The following PALLD variants were observed in gnomAD, a reference collection of about 807,000 sequenced individuals.
PALLD encodes palladin, cytoskeletal associated protein, also known as palladin.
Under a neutral mutation model 123.5 loss-of-function variants are expected in PALLD, and 61 were observed. The ratio of observed to expected loss-of-function variants is 0.49; its 90% CI spans 0.40 to 0.61. PALLD has a LOEUF of 0.61. Ranked by LOEUF, PALLD falls within the 20% of genes least tolerant of loss-of-function variation. The pLI, the probability that PALLD is intolerant of heterozygous loss-of-function variation, is 0.00. For synonymous variants in PALLD, 465 were observed against 496.4 expected, an observed-to-expected ratio of 0.94 and a Z score of 0.84; for missense variants, 1,273 against 1,377.0, an observed-to-expected ratio of 0.92 and a Z score of 1.20.
At chr4:168,732,114 G>T (rs1054550537) in intron 10 of PALLD, among the ~76,000 whole-genome samples, 4 of 152,136 alleles carry the variant, frequency 2.6e-5, no homozygotes, top group Non-Finnish European at 4.4e-5. Flanking sequence ...TTCTGAATTC[G>T]CTGCATCTCA....
At position 168,608,266 on chromosome 4, in the gene PALLD, T is replaced by C. The variant is rs376354909; in HGVS notation, c.909-59924T>C. Among the ~76,000 whole-genome samples, 23 of 152,328 alleles carry C rather than the reference T, an allele frequency of 1.5e-4. No individual in the cohort carries two copies. The East Asian group carries it at 1.9e-3, about 13-fold the overall frequency. On this transcript the variant is annotated intron_variant, in intron 2 of 21. Coordinates refer to ENST00000505667, the MANE Select transcript of PALLD (RefSeq NM_001166108.2). ...CTTTATAACTAAAGTGGTCTGCCGT[T>C]TCTCAGAGGCATGAATCTGAAGCCT...
chr4:168,666,310 A>T (rs1779645852), intron 2 of PALLD, among the ~76,000 whole-genome samples: 1 of 152,152 alleles, frequency 6.6e-6, no homozygotes, highest in South Asian at 2.1e-4. Flanking sequence ...ATGTAGAAAC[A>T]CTCTAATTCA....
intron 10 of PALLD, among the ~76,000 whole-genome samples, chr4:168,749,132 A>G (rs901711133): frequency 2.6e-5 from 4 of 151,872 alleles, no homozygotes; most frequent in African/African-American, 9.7e-5. Context: ...AGTGTGTGGC[A>G]CTTCCCTGCC....
chr4:168,835,611 A>G (rs2150887873), intron 10 of PALLD, among the ~76,000 whole-genome samples: 1 of 148,324 alleles, frequency 6.7e-6, no homozygotes, highest in East Asian at 2.0e-4. Flanking sequence ...TTTTTTAAAA[A>G]ACAGGGAAGC....
chr4:168,926,937 C>G lies in PALLD; in HGVS notation c.*757C>G, dbSNP rs1762647524. The G allele has an allele frequency of 4.6e-6, 1 of 219,676 alleles. No homozygotes were observed. The highest frequency in any genetic ancestry group is 2.3e-5 in the African/African-American group (1 of 44,330). The allele number at this position is 219,676 out of a possible 1,614,324, so 13.6% of individuals were successfully genotyped here. A position where few individuals can be genotyped will look rare whatever the true frequency, so the allele number is the denominator to read the frequency against. ...TTTATATTAAATCATAAGGAAGGAACTACTTGCCTTAAATGTTAATATCAA... is the reference window on the plus strand; with the variant it reads ...TTTATATTAAATCATAAGGAAGGAAGTACTTGCCTTAAATGTTAATATCAA... On this transcript the variant is annotated 3_prime_UTR_variant, in exon 22 of 22. Transcript: ENST00000505667.
At chr4:168,861,064 C>T (rs1193787240) in intron 10 of PALLD, among the ~76,000 whole-genome samples, 1 of 152,154 alleles carries the variant, frequency 6.6e-6, no homozygotes, top group African/African-American at 2.4e-5. Flanking sequence ...CTAAATAATA[C>T]ACAGTGAGCT....
intron 2 of PALLD, among the ~76,000 whole-genome samples, chr4:168,570,723 CA>C (rs1768892504): frequency 6.6e-6 from 1 of 152,110 alleles, no homozygotes; most frequent in South Asian, 2.1e-4. Flanking sequence ...GCTAGAGGGA[CA>C]TTTTTTTATA....
At chr4:168,902,118 G>A (rs995741200) in intron 14 of PALLD, among the ~76,000 whole-genome samples, 2 of 152,068 alleles carry the variant, frequency 1.3e-5, no homozygotes, top group Non-Finnish European at 2.9e-5. Context: ...TAGAATGCAG[G>A]TTTCAAAAAG....
chr4:168,838,720 C>G (rs974570128), intron 10 of PALLD, among the ~76,000 whole-genome samples: 2 of 124,146 alleles, frequency 1.6e-5, no homozygotes, highest in Non-Finnish European at 3.1e-5. Flanking sequence ...GGAGCAGAGT[C>G]CTGCACTTAC....
At chr4:168,917,976 G>T (rs960143093) in intron 17 of PALLD, among the ~76,000 whole-genome samples, 1 of 151,958 alleles carries the variant, frequency 6.6e-6, no homozygotes, top group African/African-American at 2.4e-5. Flanking sequence ...TGAGGCGGGC[G>T]GATCACGAGG....
At chr4:168,896,520 T>C in intron 12 of PALLD, 29 bp from the exon 13 acceptor site, 1 of 1,296,328 alleles carries the variant, frequency 7.7e-7, no homozygotes, top group Non-Finnish European at 1.1e-6. Context: ...CTATTATTAG[T>C]CTTCACATCT....
chr4:168,850,397 A>C (rs891305466), intron 10 of PALLD, among the ~76,000 whole-genome samples: 1 of 152,072 alleles, frequency 6.6e-6, no homozygotes, highest in Non-Finnish European at 1.5e-5. Flanking sequence ...TCCTTCATAA[A>C]AGTCCTCTAG....
chr4:168,635,850 T>G (rs1776294876), intron 2 of PALLD, among the ~76,000 whole-genome samples: 1 of 152,166 alleles, frequency 6.6e-6, no homozygotes, highest in Non-Finnish European at 1.5e-5. Context: ...GGAGACCAAA[T>G]TAGTGTGGCA....
chr4:168,733,792 G>A (rs755240217), intron 10 of PALLD, among the ~76,000 whole-genome samples: 22 of 152,092 alleles, frequency 1.4e-4, no homozygotes, highest in Non-Finnish European at 8.8e-5. Flanking sequence ...GGACTGCAGT[G>A]GGTGCTATCT....
chr4:168,528,150 T>A (rs1159009354), intron 2 of PALLD, among the ~76,000 whole-genome samples: 1 of 152,162 alleles, frequency 6.6e-6, no homozygotes, highest in Admixed American at 6.5e-5. Context: ...TGCTACATCC[T>A]CCTCCTGATT....
At chr4:168,787,324 T>C (rs1418650357) in intron 10 of PALLD, among the ~76,000 whole-genome samples, 1 of 152,230 alleles carries the variant, frequency 6.6e-6, no homozygotes, top group Admixed American at 6.5e-5. Context: ...GTGTGCCTCC[T>C]CTGAGCACAA....
intron 10 of PALLD, among the ~76,000 whole-genome samples, chr4:168,885,949 C>T (rs1286985166): frequency 6.6e-6 from 1 of 152,180 alleles, no homozygotes; most frequent in Non-Finnish European, 1.5e-5. Context: ...CCCATCACCA[C>T]CTATGTATGT....
At chr4:168,607,212 T>A (rs1395812286) in intron 2 of PALLD, among the ~76,000 whole-genome samples, 1 of 152,174 alleles carries the variant, frequency 6.6e-6, no homozygotes, top group Non-Finnish European at 1.5e-5. Context: ...ATAAGTCATA[T>A]CTGCGGAAAT....
At chr4:168,801,932 T>C (rs535654467) in intron 10 of PALLD, among the ~76,000 whole-genome samples, 1 of 152,366 alleles carries the variant, frequency 6.6e-6, no homozygotes, top group African/African-American at 2.4e-5. Context: ...CTCTGCCTTT[T>C]TCTTATTGAT....
Sources: gnomAD v4.1 joint callset for allele counts (sites outside exome capture counted in the v4.1 genomes callset) on GRCh38, gnomAD v4.1.1 for gene constraint, MANE v1.5 for transcripts, NCBI Gene and HGNC (gene_info 2026-07-23, HGNC 2026-07-21) for gene names.